PLEKHM3: variants seen among roughly 807,000 people sequenced by gnomAD.
PLEKHM3 encodes pleckstrin homology domain-containing family M member 3.
Under a neutral mutation model 81.8 loss-of-function variants are expected in PLEKHM3, and 45 were observed. The ratio of observed to expected loss-of-function variants is 0.55; its 90% confidence interval spans 0.43 to 0.71. PLEKHM3 has a LOEUF of 0.71. PLEKHM3 is among the 30% of genes least tolerant of loss of function. The pLI, the probability that PLEKHM3 is intolerant of heterozygous loss-of-function variation, is 0.00. For synonymous variants in PLEKHM3, 352 were observed against 356.4 expected (o/e 0.99, Z 0.14); for missense variants, 788 against 924.3 (o/e 0.85, Z 1.91).
chr2:207,957,020 C>T (rs919592216), intron 3 of PLEKHM3, among the ~76,000 whole-genome samples: 1 of 151,996 alleles, frequency 6.6e-6, no homozygotes, highest in Non-Finnish European at 1.5e-5. Flanking sequence ...GGACAAAATG[C>T]AGATGATCTG....
intron 7 of PLEKHM3, among the ~76,000 whole-genome samples, chr2:207,848,516 G>C (rs2092396402): frequency 6.6e-6 from 1 of 152,216 alleles, no homozygotes. Flanking sequence ...GATTGTTCAA[G>C]CTGTGCTGAG....
At chr2:207,906,528 C>T (rs1049993897) in intron 6 of PLEKHM3, among the ~76,000 whole-genome samples, 2 of 152,246 alleles carry the variant, frequency 1.3e-5, no homozygotes, top group Non-Finnish European at 2.9e-5. Context: ...GAGGCTCACA[C>T]CTGTAATCCC....
At chr2:207,861,631 T>A (rs1196816488) in intron 6 of PLEKHM3, among the ~76,000 whole-genome samples, 1 of 152,152 alleles carries the variant, frequency 6.6e-6, no homozygotes, top group African/African-American at 2.4e-5. Flanking sequence ...ACAGAGTAAA[T>A]CTGAATGCAT....
At chr2:207,863,299 C>G (rs1487090414) in intron 6 of PLEKHM3, among the ~76,000 whole-genome samples, 2 of 152,234 alleles carry the variant, frequency 1.3e-5, no homozygotes, top group Non-Finnish European at 2.9e-5. Context: ...CCCTCCCCAT[C>G]ATGAACCATG....
intron 6 of PLEKHM3, among the ~76,000 whole-genome samples, chr2:207,906,711 C>T (rs1476908651): frequency 1.3e-5 from 2 of 152,132 alleles, no homozygotes; most frequent in African/African-American, 4.8e-5. Context: ...ATTGCTTGAA[C>T]TCAGGAGGCT....
At chr2:207,946,079 T>C (rs1690116957) in intron 4 of PLEKHM3, among the ~76,000 whole-genome samples, 1 of 152,148 alleles carries the variant, frequency 6.6e-6, no homozygotes. Context: ...GAAGATAAGA[T>C]CAAATAAAAA....
rs1690452462 is a variant in PLEKHM3 at position 207,954,840 on chromosome 2, TA to T, written c.1547-8329del. ...CTGAAAATATAAACTTGCTAAACTC[TA>T]CAATGTTTATTTAATCTCATGGAAT... On this transcript the variant is annotated intron_variant, in intron 3 of 7. Coordinates refer to ENST00000427836, the MANE Select transcript of PLEKHM3 (RefSeq NM_001080475.3). 2.0e-5 allele frequency among the ~76,000 whole-genome samples: 3 copies of T among 152,246 alleles called. No individual in the cohort carries two copies. In the South Asian group the frequency reaches 6.2e-4, roughly 31 times the overall value.
chr2:207,996,832 G>A (rs939589609), intron 2 of PLEKHM3, among the ~76,000 whole-genome samples: 13 of 152,122 alleles, frequency 8.5e-5, no homozygotes, highest in African/African-American at 2.7e-4. Context: ...GATTCTCACT[G>A]ATGGGTTTCA....
intron 3 of PLEKHM3, among the ~76,000 whole-genome samples, chr2:207,970,811 A>G (rs1283901193): frequency 1.3e-5 from 2 of 152,222 alleles, no homozygotes; most frequent in Non-Finnish European, 2.9e-5. Flanking sequence ...TCACAGCAAA[A>G]CTTCTCCCCA....
At chr2:207,829,282 TA>T (rs1261892068) in intron 7 of PLEKHM3, among the ~76,000 whole-genome samples, 4 of 152,166 alleles carry the variant, frequency 2.6e-5, no homozygotes, top group Non-Finnish European at 5.9e-5. Flanking sequence ...TTTATTTATT[TA>T]TTTTTTTGGA....
intron 7 of PLEKHM3, among the ~76,000 whole-genome samples, chr2:207,859,759 G>A (rs1053444868): frequency 1.3e-5 from 2 of 151,754 alleles, no homozygotes; most frequent in South Asian, 2.1e-4. Context: ...TACCATGCCC[G>A]GCTAATTTTT....
chr2:207,948,349 C>CTTTTTTTTTTTTTT (rs752976462), intron 3 of PLEKHM3, among the ~76,000 whole-genome samples: 1 of 81,066 alleles, frequency 1.2e-5, no homozygotes, highest in Non-Finnish European at 2.2e-5. Context: ...CTCCTCAGAT[C>CTTTTTTTTTTTTTT]TTTTTTTTTT....
At chr2:207,964,724 A>T (rs1690855665) in intron 3 of PLEKHM3, among the ~76,000 whole-genome samples, 1 of 152,006 alleles carries the variant, frequency 6.6e-6, no homozygotes, top group South Asian at 2.1e-4. Context: ...TCCATTTTTC[A>T]CCTGAAAAAA....
intron 7 of PLEKHM3, among the ~76,000 whole-genome samples, chr2:207,830,473 C>A (rs967995988): frequency 6.6e-6 from 1 of 151,754 alleles, no homozygotes; most frequent in Admixed American, 6.6e-5. Flanking sequence ...ATTAGCCGGG[C>A]GTGGTGACGC....
intron 6 of PLEKHM3, among the ~76,000 whole-genome samples, chr2:207,883,616 C>T (rs1434416344): frequency 2.0e-5 from 3 of 152,084 alleles, no homozygotes; most frequent in Non-Finnish European, 4.4e-5. Flanking sequence ...AAGTATAAGC[C>T]AGAGAAGCAG....
At chr2:207,988,073 T>G (rs374522534) in intron 2 of PLEKHM3, among the ~76,000 whole-genome samples, 6 of 152,240 alleles carry the variant, frequency 3.9e-5, no homozygotes, top group South Asian at 2.1e-4. Context: ...GATAATCTAT[T>G]CTTTTATTCA....
intron 6 of PLEKHM3, among the ~76,000 whole-genome samples, chr2:207,877,596 T>A (rs2092565521): frequency 6.6e-6 from 1 of 152,240 alleles, no homozygotes; most frequent in Admixed American, 6.5e-5. Flanking sequence ...TCCAAGCAGC[T>A]GTAGACTAGC....
intron 6 of PLEKHM3, among the ~76,000 whole-genome samples, chr2:207,898,305 A>G (rs556441187): frequency 6.6e-6 from 1 of 152,302 alleles, no homozygotes; most frequent in East Asian, 1.9e-4. Context: ...GCTACTGAGT[A>G]ACAGCTGCCC....
chr2:207,932,283 G>T (rs1156295212), intron 4 of PLEKHM3, among the ~76,000 whole-genome samples: 1 of 152,216 alleles, frequency 6.6e-6, no homozygotes, highest in Non-Finnish European at 1.5e-5. Flanking sequence ...ATGTCTCAGA[G>T]ATACAGAGGG....
Sources: gnomAD v4.1 joint callset for allele counts (sites outside exome capture counted in the v4.1 genomes callset) on GRCh38, gnomAD v4.1.1 for gene constraint, MANE v1.5 for transcripts, NCBI Gene and HGNC (gene_info 2026-07-23, HGNC 2026-07-21) for gene names.